COL28A1: variants seen among roughly 807,000 people sequenced by gnomAD.
COL28A1 encodes the protein collagen type XXVIII alpha 1 chain.
In COL28A1, 161 loss-of-function variants were observed where a neutral mutation model predicts 150.2. The ratio of observed to expected loss-of-function variants is 1.07; its 90% CI spans 0.94 to 1.22. COL28A1 has a LOEUF of 1.22. Ranked by LOEUF, COL28A1 falls within the 50% of genes most tolerant of loss-of-function variation. The probability of loss-of-function intolerance (pLI) is 0.00; values close to 1 mark genes in which losing one functional copy is unlikely to be tolerated. For missense variants in COL28A1, 1,617 were observed against 1,388.3 expected (o/e 1.16, Z -2.62); for synonymous variants, 552 against 469.7 (o/e 1.18, Z -2.26).
At chr7:7,363,454 T>C (rs1471819328) in intron 33 of COL28A1, among the ~76,000 whole-genome samples, 1 of 152,180 alleles carries the variant, frequency 6.6e-6, no homozygotes, top group African/African-American at 2.4e-5. Context: ...TCTGGCTCAG[T>C]GAGATGTCAG....
chr7:7,542,692 G>C, the COL28A1 span, among the ~76,000 whole-genome samples: 2 of 152,176 alleles, frequency 1.3e-5, no homozygotes, highest in African/African-American at 4.8e-5. Context: ...GGGAGCCACT[G>C]AACAATTTTA....
At chr7:7,437,329 A>T in intron 22 of COL28A1, 65 bp downstream of exon 22, 1 of 1,547,660 alleles carries the variant, frequency 6.5e-7, no homozygotes, top group Non-Finnish European at 8.7e-7. Flanking sequence ...CACTGGTATC[A>T]TGATTTTTTT....
chr7:7,425,801 G>C (rs997020563), intron 25 of COL28A1, among the ~76,000 whole-genome samples: 1 of 152,178 alleles, frequency 6.6e-6, no homozygotes, highest in Non-Finnish European at 1.5e-5. Flanking sequence ...AAGCCTCAGG[G>C]AGACTAAACG....
At position 7,517,837 on chromosome 7, in the gene COL28A1, C is replaced by T; in HGVS notation, c.814G>A (p.Gly272Ser). The change falls in exon 7 of 35, where the codon GGC (glycine) becomes AGC (serine). Residue 272 changes from glycine (G) to serine (S), a missense_variant and splice_region_variant. Coordinates refer to ENST00000399429, the MANE Select transcript of COL28A1 (RefSeq NM_001037763.3). Reference protein sequence around the residue: ...KGERGPKGNPGNAQKGEAGER... With the variant: ...KGERGPKGNPSNAQKGEAGER... The stretch of plus-strand genomic sequence containing the variant: ...CCAGCTTCTCCTTTTTGAGCGTTGC[C>T]CTGTGACAAACAAAAAACAGTAAAA... 1 of 1,613,604 alleles carries T rather than the reference C, an allele frequency of 6.2e-7. No individual in the cohort carries two copies.
chr7:7,348,495 T>C, the COL28A1 span, among the ~76,000 whole-genome samples: 1 of 147,664 alleles, frequency 6.8e-6, no homozygotes, highest in Non-Finnish European at 1.5e-5. Flanking sequence ...CTCCCTCTCC[T>C]CCTACAAGAT....
chr7:7,356,635 T>G (rs965930689), downstream of COL28A1: 3 of 151,046 alleles, frequency 2.0e-5, no homozygotes, highest in Non-Finnish European at 4.4e-5. Flanking sequence ...TAGGTGGGAG[T>G]TGAACAATGA....
At chr7:7,471,711 A>T (rs1327024859) in intron 15 of COL28A1, among the ~76,000 whole-genome samples, 1 of 152,206 alleles carries the variant, frequency 6.6e-6, no homozygotes, top group Non-Finnish European at 1.5e-5. Context: ...CCTGGTCAAC[A>T]TGATGAAACC....
intron 25 of COL28A1, among the ~76,000 whole-genome samples, chr7:7,430,701 T>C (rs1202149293): frequency 6.6e-6 from 1 of 152,218 alleles, no homozygotes; most frequent in East Asian, 1.9e-4. Flanking sequence ...GTTTTTACCA[T>C]TGTTTCACTC....
At chr7:7,489,243 C>A in intron 13 of COL28A1, 146 bp downstream of exon 13, 1 of 609,744 alleles carries the variant, frequency 1.6e-6, no homozygotes, top group Non-Finnish European at 2.9e-6. Context: ...GCATTCCAGC[C>A]TGGGTGACAG....
At chr7:7,481,989 C>T (rs1382630120) in intron 13 of COL28A1, among the ~76,000 whole-genome samples, 1 of 151,888 alleles carries the variant, frequency 6.6e-6, no homozygotes, top group Non-Finnish European at 1.5e-5. Flanking sequence ...ATCTACCAGA[C>T]CAGCACAAAA....
intron 3 of COL28A1, among the ~76,000 whole-genome samples, chr7:7,526,840 G>A (rs149608054): frequency 2.6e-4 from 40 of 152,054 alleles, no homozygotes; most frequent in African/African-American, 8.2e-4. Context: ...TCATCATGTC[G>A]GCCAGGCTGG....
chr7:7,374,562 G>A (rs1199871764), intron 31 of COL28A1, among the ~76,000 whole-genome samples: 1 of 152,032 alleles, frequency 6.6e-6, no homozygotes, highest in Admixed American at 6.6e-5. Context: ...TTCCATTTAG[G>A]TTGATAAACA....
chr7:7,443,993 T>TG (rs1786034106), intron 19 of COL28A1, among the ~76,000 whole-genome samples: 2 of 150,956 alleles, frequency 1.3e-5, no homozygotes, highest in African/African-American at 4.9e-5. Context: ...GCTGTTTTTT[T>TG]TTTTTTTTTT....
rs1781688085 is a variant in COL28A1, at chr7:7,378,461, AAC to A, written c.2322+2197_2322+2198del. 2.0e-5 allele frequency among the ~76,000 whole-genome samples: 3 copies of A among 152,090 alleles called. No homozygotes were observed. The Admixed American group carries it at 2.0e-4, about 10-fold the overall frequency. On this transcript the variant is annotated intron_variant, in intron 30 of 34. Transcript: ENST00000399429. ...CTAACACCGAAGTGACATGTGGAGA[AAC>A]AGAGTCTTTTCAAATAATTTTATGA... is the stretch of plus-strand genomic sequence containing the variant.
chr7:7,505,964 G>T (rs552021119), intron 11 of COL28A1, 50 bp downstream of exon 11: 1 of 878,616 alleles, frequency 1.1e-6, no homozygotes, highest in Non-Finnish European at 2.0e-6. Context: ...TTACTATAGC[G>T]CACTAGGGGA....
At chr7:7,381,382 G>A (rs61244384) in intron 28 of COL28A1, among the ~76,000 whole-genome samples, 162 bp downstream of exon 28, 3,833 of 152,296 alleles carry the variant, frequency 0.025, 162 homozygotes, top group African/African-American at 0.087. Context: ...CCTATTTATA[G>A]GTAGACAAAG....
chr7:7,349,484 C>G, the COL28A1 span, among the ~76,000 whole-genome samples: 1 of 152,138 alleles, frequency 6.6e-6, no homozygotes, highest in Non-Finnish European at 1.5e-5. Flanking sequence ...CTCTGCAGAT[C>G]TCCTAAGTTT....
At chr7:7,340,991 T>G in the COL28A1 span, among the ~76,000 whole-genome samples, 1 of 152,144 alleles carries the variant, frequency 6.6e-6, no homozygotes, top group Non-Finnish European at 1.5e-5. Flanking sequence ...AGCCCTTCTC[T>G]TTTCTACCAC....
intron 27 of COL28A1, among the ~76,000 whole-genome samples, chr7:7,409,666 T>A (rs1424515656): frequency 1.3e-5 from 2 of 152,226 alleles, no homozygotes; most frequent in African/African-American, 2.4e-5. Flanking sequence ...TATTACCAAG[T>A]CAGCAGCCAT....
Sources: allele counts gnomAD v4.1 joint callset (sites outside exome capture counted in the v4.1 genomes callset), GRCh38; gene constraint gnomAD v4.1.1; transcripts MANE v1.5; gene names NCBI Gene and HGNC (gene_info 2026-07-23, HGNC 2026-07-21).